The following SV2B variants were observed in gnomAD, a reference collection of about 807,000 sequenced individuals.
SV2B encodes synaptic vesicle glycoprotein 2B.
A neutral mutation model predicts 73.9 loss-of-function variants in SV2B; 41 were observed. The ratio of observed to expected loss-of-function variants is 0.56; its 90% confidence interval spans 0.43 to 0.72. SV2B has a LOEUF of 0.72. SV2B is among the 30% of genes least tolerant of loss of function. The probability of loss-of-function intolerance (pLI) is 0.00; values close to 1 mark genes in which losing one functional copy is unlikely to be tolerated. For synonymous variants in SV2B, 314 were observed against 314.2 expected, an observed-to-expected ratio of 1.00 and a Z score of 0.01; for missense variants, 764 against 857.8, an observed-to-expected ratio of 0.89 and a Z score of 1.37.
At chr15:91,282,058 T>G (rs1395853941) in intron 10 of SV2B, among the ~76,000 whole-genome samples, 197 bp downstream of exon 10, 2 of 152,274 alleles carry the variant, frequency 1.3e-5, no homozygotes, top group African/African-American at 2.4e-5. Flanking sequence ...AGGCATTTAA[T>G]GTATCTGCGT....
chr15:91,156,326 G>A (rs1426754119), intron 1 of SV2B, among the ~76,000 whole-genome samples: 1 of 152,150 alleles, frequency 6.6e-6, no homozygotes, highest in South Asian at 2.1e-4. Context: ...TGAGAGATGG[G>A]TTCTCTTGTG....
intron 9 of SV2B, among the ~76,000 whole-genome samples, chr15:91,278,385 C>A (rs1015659453): frequency 2.0e-5 from 3 of 152,052 alleles, no homozygotes; most frequent in Non-Finnish European, 4.4e-5. Flanking sequence ...CTGACCCCTA[C>A]ACCTGGAGAA....
chr15:91,222,394 A>G (rs916865288), intron 1 of SV2B, among the ~76,000 whole-genome samples: 1 of 152,268 alleles, frequency 6.6e-6, no homozygotes, highest in South Asian at 2.1e-4. Context: ...ACTATTATTA[A>G]TAATCAAGAT....
At chr15:91,111,645 T>C (rs914468767) in intron 1 of SV2B, among the ~76,000 whole-genome samples, 2 of 152,142 alleles carry the variant, frequency 1.3e-5, no homozygotes, top group Non-Finnish European at 2.9e-5. Context: ...GCATGGTTGA[T>C]TTTGGAACAA....
rs1047715673 is a variant in SV2B at position 91,294,147 on chromosome 15, C to A, written c.*1595C>A. 2 of 152,164 alleles carry A rather than the reference C, an allele frequency of 1.3e-5. No individual in the cohort carries two copies. Among genetic ancestry groups the A allele is most frequent in the Non-Finnish European group, 2.9e-5 (2 of 68,032 alleles). The allele number at this position is 152,164 out of a possible 1,614,324, so 9.4% of individuals were successfully genotyped here. On this transcript the variant is annotated 3_prime_UTR_variant, in exon 13 of 13. Transcript: ENST00000394232. This position sits in a 1 kb window ranked among gnomAD's most constrained non-coding sequence, Gnocchi z 4.1. ...CTCAATGGGCAAGTGCCACATTTTC[C>A]CTGGCAGAGATCTCCAAAAATTTAA...
rs199944292 is a variant in SV2B, at chr15:91,289,624, T to C, written c.1812T>C (p.Ile604=). 23 of 1,614,206 alleles carry C rather than the reference T, an allele frequency of 1.4e-5. No individual in the cohort carries two copies. The East Asian group carries it at 4.9e-4, about 34-fold the overall frequency. ...GWQCLFCGTS[I]AAWNALDVIT... is the part of the protein sequence containing the mutation. ...AGTGCCTGTTCTGTGGGACAAGCAT[T>C]GCAGCCTGGAATGCTCTGGATGTGA... The change falls in exon 12 of 13, where the codon ATT becomes ATC. Residue 604 remains isoleucine (I), a synonymous_variant. Coordinates refer to ENST00000394232, the MANE Select transcript of SV2B (RefSeq NM_001323032.3). The surrounding 1 kb of genome is among the most constrained non-coding windows in gnomAD (Gnocchi z 4.9).
At chr15:91,147,870 G>T (rs954605076) in intron 1 of SV2B, among the ~76,000 whole-genome samples, 6 of 151,094 alleles carry the variant, frequency 4.0e-5, no homozygotes, top group African/African-American at 1.5e-4. Flanking sequence ...TTGTAAGATG[G>T]TGAAACTCCA....
rs2048800549 is a variant in SV2B, at chr15:91,284,685, G to A, written c.1708+464G>A. 2.0e-5 allele frequency among the ~76,000 whole-genome samples: 3 copies of A among 152,198 alleles called. No homozygotes were observed. The South Asian group carries it at 6.2e-4, about 31-fold the overall frequency. On this transcript the variant is annotated intron_variant, in intron 11 of 12. Transcript: ENST00000394232. This position sits in a 1 kb window ranked among gnomAD's most constrained non-coding sequence, Gnocchi z 4.5. ...GTTGAAATCCTATCACCGAAAGGCT[G>A]TTTGACCTTGAATGTGTTCCTTTAC...
chr15:91,279,746 A>G (rs1338973126), intron 9 of SV2B, among the ~76,000 whole-genome samples: 1 of 152,230 alleles, frequency 6.6e-6, no homozygotes, highest in Admixed American at 6.5e-5. Flanking sequence ...ACTATATTAG[A>G]GAGAAGGATA....
chr15:91,211,505 T>C (rs2045860768), intron 1 of SV2B, among the ~76,000 whole-genome samples: 1 of 150,522 alleles, frequency 6.6e-6, no homozygotes, highest in African/African-American at 2.5e-5. Flanking sequence ...TTCTTCTTCT[T>C]CCTTTTTTTT....
At chr15:91,246,728 TCCTC>T (rs2047243943) in intron 2 of SV2B, among the ~76,000 whole-genome samples, 2 of 151,716 alleles carry the variant, frequency 1.3e-5, no homozygotes, top group African/African-American at 4.8e-5. Context: ...CTCCTCCTCC[TCCTC>T]CTCCTCCTCC....
chr15:91,240,358 A>T lies in SV2B; in HGVS notation c.452-11461A>T, dbSNP rs1173563836. On this transcript the variant is annotated intron_variant, in intron 2 of 12. Coordinates refer to ENST00000394232, the MANE Select transcript of SV2B (RefSeq NM_001323032.3). The surrounding 1 kb of genome is among the most constrained non-coding windows in gnomAD (Gnocchi z 4.6). The stretch of plus-strand genomic sequence containing the variant: ...AAGGGCTCATCACAGTTCCTGGCAC[A>T]CAGTAAGGATCCAGTAAATATGAGC... Among the ~76,000 whole-genome samples, 1 of 152,056 alleles carries T rather than the reference A, an allele frequency of 6.6e-6. No individual in the cohort carries two copies. The highest frequency in any genetic ancestry group is 6.5e-5 in the Admixed American group (1 of 15,280).
At chr15:91,131,104 G>C (rs2042629962) in intron 1 of SV2B, among the ~76,000 whole-genome samples, 2 of 151,354 alleles carry the variant, frequency 1.3e-5, no homozygotes, top group Non-Finnish European at 1.5e-5. Flanking sequence ...GGTCAGGAAG[G>C]GTTTTGGAGA....
At chr15:91,203,395 C>G (rs1338752546) in intron 1 of SV2B, among the ~76,000 whole-genome samples, 1 of 152,218 alleles carries the variant, frequency 6.6e-6, no homozygotes, top group Admixed American at 6.5e-5. Flanking sequence ...CAGGGATTCC[C>G]TCTCCACCTG....
intron 6 of SV2B, among the ~76,000 whole-genome samples, chr15:91,263,647 AACAC>A (rs1380954355): frequency 2.8e-5 from 4 of 144,410 alleles, no homozygotes; most frequent in African/African-American, 5.2e-5. Flanking sequence ...CATTAAGACA[AACAC>A]ACAGACACAG....
chr15:91,280,931 C>T lies in SV2B; in HGVS notation c.1374-797C>T, dbSNP rs186844794. On this transcript the variant is annotated intron_variant, in intron 9 of 12. Transcript: ENST00000394232. This position sits in a 1 kb window ranked among gnomAD's most constrained non-coding sequence, Gnocchi z 5.8. Reference sequence around the variant, plus strand: ...TACCTTAATGAGCCTGTCTTGTAAACTCTATGTTGCATCTTGATTTTTTAA... The same window carrying T: ...TACCTTAATGAGCCTGTCTTGTAAATTCTATGTTGCATCTTGATTTTTTAA... Among the ~76,000 whole-genome samples, 1 of 152,352 alleles carries T rather than the reference C, an allele frequency of 6.6e-6. No homozygotes were observed. Among genetic ancestry groups the T allele is most frequent in the East Asian group, 1.9e-4 (1 of 5,180 alleles).
chr15:91,234,071 T>G lies in SV2B; in HGVS notation c.451+7357T>G, dbSNP rs1158112350. ...CTTGTAGGGCTGGAAAAAACTCTAC[T>G]ATTTGTTTCATTGGTTGGCTGAAAT... On this transcript the variant is annotated intron_variant, in intron 2 of 12. Transcript: ENST00000394232. This position sits in a 1 kb window ranked among gnomAD's most constrained non-coding sequence, Gnocchi z 5.6. 6.6e-6 allele frequency among the ~76,000 whole-genome samples: 1 copy of G among 152,208 alleles called. No homozygotes were observed. Among genetic ancestry groups the G allele is most frequent in the East Asian group, 1.9e-4 (1 of 5,202 alleles).
chr15:91,147,827 T>A (rs925139332), intron 1 of SV2B, among the ~76,000 whole-genome samples: 15 of 152,230 alleles, frequency 9.9e-5, no homozygotes, highest in African/African-American at 3.4e-4. Context: ...TGGCAGATGT[T>A]ACAGGACTTT....
rs1050448776 is a variant in SV2B at position 91,301,476 on chromosome 15, A to G, written c.*8924A>G. 6.6e-6 allele frequency among the ~76,000 whole-genome samples: 1 copy of G among 152,236 alleles called. No individual in the cohort carries two copies. The highest frequency in any genetic ancestry group is 1.5e-5 in the Non-Finnish European group (1 of 68,036). On this transcript the variant is annotated 3_prime_UTR_variant, in exon 13 of 13. Transcript: ENST00000394232. The surrounding 1 kb of genome is among the most constrained non-coding windows in gnomAD (Gnocchi z 4.3). ...AGTTGATCTGGTGATTGGTGAATAC[A>G]GTTTAATCTTTAATACCTTGTGATC...
Sources: allele counts gnomAD v4.1 joint callset (sites outside exome capture counted in the v4.1 genomes callset), GRCh38; gene constraint gnomAD v4.1.1; non-coding constraint Gnocchi (gnomAD v3.1); transcripts MANE v1.5; gene names NCBI Gene and HGNC (gene_info 2026-07-23, HGNC 2026-07-21).